Variants in TENM4 observed in about 807,000 individuals in gnomAD.
The protein encoded by TENM4 is teneurin transmembrane protein 4.
TENM4 carries 82 observed loss-of-function variants against 243.3 expected under a neutral mutation model. That is an observed-to-expected ratio of 0.34 (90% confidence interval 0.28 to 0.40). The LOEUF (loss-of-function observed/expected upper bound fraction) is 0.40, where lower values mean the gene tolerates loss of function less well. Ranked by LOEUF, TENM4 falls within the 10% of genes least tolerant of loss-of-function variation. TENM4 has a pLI of 1.00. For synonymous variants in TENM4, 1,412 were observed against 1,456.3 expected (o/e 0.97, Z 0.69); for missense variants, 3,138 against 3,673.3 (o/e 0.85, Z 3.77).
rs757247880 is a variant in TENM4 at position 78,676,366 on chromosome 11, T to A, written c.5282A>T (p.Tyr1761Phe). The A allele has an allele frequency of 6.2e-7, 1 of 1,602,722 alleles. No individual in the cohort carries two copies. Among genetic ancestry groups the A allele is most frequent in the Admixed American group, 1.7e-5 (1 of 59,794 alleles). The change falls in exon 30 of 34, where the codon TAC becomes TTC. Residue 1761 changes from tyrosine to phenylalanine, a missense_variant. By Grantham distance (22) the Tyr-to-Phe change is conservative (BLOSUM62 3). Coordinates refer to ENST00000278550, the MANE Select transcript of TENM4 (RefSeq NM_001098816.3). ...CCGCAAGGAGCCATCGGCCCCGATG[T>A]AGTAGCTGTTCCGGACTTGGTCTGC... ...LLQDQVRNSY[Y>F]IGADGSLRLL...
chr11:79,293,542 G>A (rs181652575), intron 2 of TENM4, among the ~76,000 whole-genome samples: 5,244 of 151,352 alleles, frequency 0.035, 123 homozygotes, highest in Non-Finnish European at 0.055. Flanking sequence ...AGAAAAAAAA[G>A]TGTTAGGGAA....
chr11:79,296,141 T>A (rs1314929958), intron 2 of TENM4, among the ~76,000 whole-genome samples: 1 of 152,146 alleles, frequency 6.6e-6, no homozygotes, highest in African/African-American at 2.4e-5. Flanking sequence ...TAGAGCTTCA[T>A]CCTCAAGAAG....
chr11:78,803,297 G>C (rs1410422227), intron 15 of TENM4, among the ~76,000 whole-genome samples: 1 of 152,034 alleles, frequency 6.6e-6, no homozygotes, highest in East Asian at 1.9e-4. Flanking sequence ...CCAAAGTGCT[G>C]GGATTACAGG....
intron 2 of TENM4, among the ~76,000 whole-genome samples, chr11:79,226,669 G>C (rs1328487020): frequency 6.6e-6 from 1 of 152,084 alleles, no homozygotes; most frequent in Non-Finnish European, 1.5e-5. Context: ...GAAGGACTAG[G>C]GACAGCAATG....
intron 6 of TENM4, among the ~76,000 whole-genome samples, chr11:78,975,330 G>A (rs2136596725): frequency 6.6e-6 from 1 of 152,078 alleles, no homozygotes; most frequent in South Asian, 2.1e-4. Context: ...GGCTGAAATT[G>A]GGCTGATGGA....
intron 3 of TENM4, among the ~76,000 whole-genome samples, chr11:79,161,024 T>A (rs917603276): frequency 4.6e-5 from 7 of 152,216 alleles, no homozygotes; most frequent in African/African-American, 1.7e-4. Flanking sequence ...TGGCCCTTTT[T>A]AGTGAGCCAT....
chr11:78,960,878 C>T (rs1857305649), intron 6 of TENM4, among the ~76,000 whole-genome samples: 2 of 152,210 alleles, frequency 1.3e-5, no homozygotes, highest in Non-Finnish European at 2.9e-5. Context: ...TCTGTAAATC[C>T]CCTAGAGGCA....
intron 7 of TENM4, among the ~76,000 whole-genome samples, chr11:78,892,549 C>T (rs746000308): frequency 9.9e-5 from 15 of 152,142 alleles, no homozygotes; most frequent in Non-Finnish European, 1.8e-4. Flanking sequence ...AAAGGGATTA[C>T]AGTACTGAGC....
rs778673217 is a variant in TENM4 at position 78,658,475 on chromosome 11, G to T, written c.7893C>A (p.Ile2631=). The T allele has an allele frequency of 6.2e-6, 10 of 1,614,058 alleles. No individual in the cohort carries two copies. ...TTCGCCGCCCCCCACTGAGGCCCAG[G>T]ATGGCCAGGTCACCTTCTGAAGGTC... ...KPGPSEGDLA[I]LGLSGGRRTL... The change falls in exon 34 of 34, where the codon ATC becomes ATA. Residue 2631 remains isoleucine, a synonymous_variant. Transcript: ENST00000278550.
chr11:78,852,549 G>T (rs1313063626), intron 12 of TENM4, among the ~76,000 whole-genome samples: 1 of 152,124 alleles, frequency 6.6e-6, no homozygotes, highest in Non-Finnish European at 1.5e-5. Flanking sequence ...TGGGCATGGT[G>T]GTGTGTGCCT....
intron 6 of TENM4, among the ~76,000 whole-genome samples, chr11:78,952,187 C>T (rs938586031): frequency 1.2e-4 from 18 of 152,204 alleles, no homozygotes; most frequent in Admixed American, 2.0e-4. Flanking sequence ...GTCAACAAGC[C>T]TCATTTTTCC....
At chr11:78,786,819 G>C (rs757428115) in intron 16 of TENM4, 79 bp downstream of exon 16, 73 of 1,535,016 alleles carry the variant, frequency 4.8e-5, no homozygotes, top group Non-Finnish European at 6.1e-5. Context: ...TGAGGGCCCA[G>C]GCTGGCCCTG....
chr11:79,338,514 C>T (rs1429469300), intron 1 of TENM4, among the ~76,000 whole-genome samples: 1 of 152,230 alleles, frequency 6.6e-6, no homozygotes, highest in Admixed American at 6.5e-5. Flanking sequence ...GTCCAAGGGA[C>T]CTGAGGTCAT....
At chr11:79,265,227 A>G (rs1316472466) in intron 2 of TENM4, among the ~76,000 whole-genome samples, 2 of 152,152 alleles carry the variant, frequency 1.3e-5, no homozygotes, top group African/African-American at 4.8e-5. Context: ...GTTTGACTTT[A>G]TATCAGAAGC....
chr11:79,327,867 A>G lies in TENM4; in HGVS notation c.-320-30324T>C, dbSNP rs370907070. ...AAATGGGACAGTGCCTGAGAACTAAAAATTTTCAAGCCCTGACCATGAACT... is the reference window on the plus strand; with the variant it reads ...AAATGGGACAGTGCCTGAGAACTAAGAATTTTCAAGCCCTGACCATGAACT... On this transcript the variant is annotated intron_variant, in intron 1 of 33. Coordinates refer to ENST00000278550, the MANE Select transcript of TENM4 (RefSeq NM_001098816.3). Among the ~76,000 whole-genome samples, 9 of 152,206 alleles carry G rather than the reference A, an allele frequency of 5.9e-5. No homozygotes were observed. In the East Asian group the frequency reaches 1.4e-3, roughly 23 times the overall value.
At chr11:79,100,303 G>T (rs920944584) in intron 4 of TENM4, among the ~76,000 whole-genome samples, 13 of 151,720 alleles carry the variant, frequency 8.6e-5, no homozygotes, top group Non-Finnish European at 1.5e-5. Flanking sequence ...TGGCAGATCT[G>T]GGTAACTACA....
intron 6 of TENM4, among the ~76,000 whole-genome samples, chr11:79,049,959 T>C (rs1355393042): frequency 1.3e-5 from 2 of 152,242 alleles, no homozygotes; most frequent in Non-Finnish European, 2.9e-5. Context: ...TTTTTTTCCC[T>C]TTTGCTGTAA....
At chr11:79,011,508 C>T (rs1245623579) in intron 6 of TENM4, among the ~76,000 whole-genome samples, 1 of 152,200 alleles carries the variant, frequency 6.6e-6, no homozygotes, top group Non-Finnish European at 1.5e-5. Flanking sequence ...TCTTCCAAGA[C>T]TGACCTCCCT....
chr11:78,883,626 G>T (rs1855485371), intron 9 of TENM4, among the ~76,000 whole-genome samples: 1 of 152,226 alleles, frequency 6.6e-6, no homozygotes, highest in Non-Finnish European at 1.5e-5. Context: ...TACCTGGCAA[G>T]ACAGGTGCTT....
Sources: gnomAD v4.1 joint callset for allele counts (sites outside exome capture counted in the v4.1 genomes callset) on GRCh38, gnomAD v4.1.1 for gene constraint, MANE v1.5 for transcripts, NCBI Gene and HGNC (gene_info 2026-07-23, HGNC 2026-07-21) for gene names.